Variants in CBR4 observed in about 807,000 individuals in gnomAD.
CBR4 encodes the protein carbonyl reductase 4, also known as 3-oxoacyl-[acyl-carrier-protein] reductase.
CBR4 carries 22 observed loss-of-function variants against 21.0 expected under a neutral mutation model. The observed-to-expected ratio is 1.05, with a 90% CI of 0.75 to 1.50. The LOEUF (loss-of-function observed/expected upper bound fraction) is 1.50. Among genes scored for constraint, CBR4 ranks in the 40% most tolerant of loss-of-function variants. The pLI, the probability that CBR4 is intolerant of heterozygous loss-of-function variation, is 0.00. For synonymous variants in CBR4, 100 were observed against 104.4 expected (o/e 0.96, Z 0.26); for missense variants, 302 against 286.3 (o/e 1.05, Z -0.40).
intron 2 of CBR4, chr4:168,926,199 C>CTT: frequency 6.6e-7 from 1 of 1,504,494 alleles, no homozygotes; most frequent in Non-Finnish European, 8.8e-7. Flanking sequence ...TTAATTTACT[C>CTT]TTTTTCTTTG....
chr4:168,984,553 C>A (rs760461235), downstream of CBR4, among the ~76,000 whole-genome samples: 5 of 152,180 alleles, frequency 3.3e-5, no homozygotes, highest in Admixed American at 6.5e-5. Context: ...TTACAAAAAA[C>A]CATTCTAAAA....
At chr4:168,976,147 G>A (rs1224249462) in intron 2 of CBR4, among the ~76,000 whole-genome samples, 6 of 152,118 alleles carry the variant, frequency 3.9e-5, no homozygotes, top group East Asian at 1.9e-4. Context: ...GGAAGTTCAC[G>A]CTTAGTCAAA....
At chr4:168,938,788 G>C (rs1763181750) in intron 2 of CBR4, among the ~76,000 whole-genome samples, 1 of 151,902 alleles carries the variant, frequency 6.6e-6, no homozygotes, top group Non-Finnish European at 1.5e-5. Flanking sequence ...AAGTTCTAAA[G>C]TTGAGGCAGT....
At chr4:168,934,337 AAAT>A (rs1220720449) in intron 2 of CBR4, among the ~76,000 whole-genome samples, 1 of 150,870 alleles carries the variant, frequency 6.6e-6, no homozygotes, top group Non-Finnish European at 1.5e-5. Context: ...AGAAGGAAAG[AAAT>A]AATAAAGATT....
chr4:168,966,693 C>T (rs865826953), intron 2 of CBR4, among the ~76,000 whole-genome samples: 1 of 152,196 alleles, frequency 6.6e-6, no homozygotes. Flanking sequence ...ACCCAGCAAT[C>T]CCATTACATT....
intron 2 of CBR4, among the ~76,000 whole-genome samples, chr4:168,957,226 T>G (rs557488592): frequency 1.4e-4 from 21 of 152,262 alleles, no homozygotes; most frequent in African/African-American, 4.6e-4. Context: ...AAACCAATAT[T>G]AAACATTCTT....
intron 2 of CBR4, among the ~76,000 whole-genome samples, chr4:168,979,039 G>A (rs1198517297): frequency 6.6e-6 from 1 of 151,974 alleles, no homozygotes; most frequent in East Asian, 1.9e-4. Context: ...GGACTATCTT[G>A]AGCCTCCAGC....
chr4:168,903,761 A>G lies in CBR4; in HGVS notation n.170-8996T>C, dbSNP rs372470150. 3 of 1,610,224 alleles carry G rather than the reference A, an allele frequency of 1.9e-6. No individual in the cohort carries two copies. Among genetic ancestry groups the G allele is most frequent in the South Asian group, 1.1e-5 (1 of 90,988 alleles). Reference sequence around the variant, plus strand: ...AATCTTTGTTTCTATTCACAGATCTATTGGTTTAAAGATGGGAAGCAGATC... The same window carrying G: ...AATCTTTGTTTCTATTCACAGATCTGTTGGTTTAAAGATGGGAAGCAGATC... On this transcript the variant is annotated intron_variant and non_coding_transcript_variant, in intron 2 of 3. Coordinates refer to the CBR4 transcript ENST00000509108.
chr4:168,966,793 C>T (rs1320874582), intron 2 of CBR4, among the ~76,000 whole-genome samples: 3 of 151,954 alleles, frequency 2.0e-5, no homozygotes, highest in South Asian at 2.1e-4. Flanking sequence ...CCGAGGCGGG[C>T]GGATCACAAG....
At chr4:168,957,887 T>C (rs911895568) in intron 2 of CBR4, among the ~76,000 whole-genome samples, 10 of 152,166 alleles carry the variant, frequency 6.6e-5, no homozygotes, top group African/African-American at 2.4e-4. Context: ...CGAGATCTGA[T>C]GGTTTTATAA....
chr4:168,974,733 T>A (rs1764317065), intron 2 of CBR4, among the ~76,000 whole-genome samples: 1 of 152,184 alleles, frequency 6.6e-6, no homozygotes, highest in African/African-American at 2.4e-5. Context: ...TCACTAAGTG[T>A]CTGTTTCATT....
chr4:168,919,668 G>GC (rs1455084315), intron 2 of CBR4, among the ~76,000 whole-genome samples: 4 of 152,004 alleles, frequency 2.6e-5, no homozygotes, highest in Admixed American at 2.0e-4. Flanking sequence ...CCTCCAAAAA[G>GC]CCCCCTCCCC....
At chr4:168,904,758 A>G (rs921965790) in intron 2 of CBR4, among the ~76,000 whole-genome samples, 2 of 152,212 alleles carry the variant, frequency 1.3e-5, no homozygotes, top group Non-Finnish European at 2.9e-5. Context: ...ATATCATTCC[A>G]TATTATTTCT....
intron 2 of CBR4, among the ~76,000 whole-genome samples, chr4:168,953,849 T>G (rs72704252): frequency 0.09 from 13,632 of 152,052 alleles, 723 homozygotes; most frequent in Middle Eastern, 0.2. Flanking sequence ...TTAGAGCACA[T>G]AGAGAAGAAA....
intron 2 of CBR4, among the ~76,000 whole-genome samples, chr4:168,945,951 AAAAC>A (rs1477740278): frequency 6.6e-6 from 1 of 152,218 alleles, no homozygotes; most frequent in Non-Finnish European, 1.5e-5. Context: ...GAAAAAGTGA[AAAAC>A]AACCAAACTT....
intron 2 of CBR4, among the ~76,000 whole-genome samples, chr4:168,903,291 G>A (rs1445748910): frequency 6.6e-6 from 1 of 152,086 alleles, no homozygotes; most frequent in Non-Finnish European, 1.5e-5. Context: ...TCAGTGAAAT[G>A]ATTAGAGTTT....
At chr4:168,894,869 A>T in intron 2 of CBR4, 2 of 812,308 alleles carry the variant, frequency 2.5e-6, no homozygotes, top group African/African-American at 1.7e-5. Flanking sequence ...TGACTGACAG[A>T]ATTCTTTCCA....
chr4:169,001,327 A>G (rs1368336350), intron 4 of CBR4: 2 of 152,112 alleles, frequency 1.3e-5, no homozygotes, highest in African/African-American at 4.8e-5. Flanking sequence ...TTTTAGTAAC[A>G]GTTCTTCCAT....
chr4:168,959,651 C>T (rs866929902), intron 2 of CBR4, among the ~76,000 whole-genome samples: 1 of 149,812 alleles, frequency 6.7e-6, no homozygotes, highest in Non-Finnish European at 1.5e-5. Context: ...CTGCAATCTC[C>T]ACCTCCAGGG....
Sources: gnomAD v4.1 joint callset for allele counts (sites outside exome capture counted in the v4.1 genomes callset) on GRCh38, gnomAD v4.1.1 for gene constraint, MANE v1.5 for transcripts, NCBI Gene and HGNC (gene_info 2026-07-23, HGNC 2026-07-21) for gene names.